Variants in NOS2 observed in about 807,000 individuals in gnomAD.
NOS2 encodes nitric oxide synthase 2.
Under a neutral mutation model 136.0 loss-of-function variants are expected in NOS2, and 96 were observed. The ratio of observed to expected loss-of-function variants is 0.71; its 90% confidence interval spans 0.60 to 0.84. The LOEUF is 0.84. Ranked by LOEUF, NOS2 falls within the 40% of genes least tolerant of loss-of-function variation. NOS2 has a pLI of 0.00. For synonymous variants in NOS2, 539 were observed against 587.5 expected, an observed-to-expected ratio of 0.92 and a Z score of 1.20; for missense variants, 1,237 against 1,496.9, an observed-to-expected ratio of 0.83 and a Z score of 2.87.
chr17:27,764,912 C>T (rs1908247602), intron 20 of NOS2, among the ~76,000 whole-genome samples: 1 of 152,214 alleles, frequency 6.6e-6, no homozygotes, highest in African/African-American at 2.4e-5. Context: ...TTGTCGTCCC[C>T]ACGTCTCAGG....
At chr17:27,767,654 G>A in intron 18 of NOS2, 51 bp downstream of exon 18, 1 of 1,597,738 alleles carries the variant, frequency 6.3e-7, no homozygotes. Flanking sequence ...ATGGGCTTAG[G>A]GCTCAGACCC....
At chr17:27,786,044 T>C (rs1472473940) in intron 5 of NOS2, among the ~76,000 whole-genome samples, 1 of 149,768 alleles carries the variant, frequency 6.7e-6, no homozygotes, top group African/African-American at 2.5e-5. Context: ...GAGTCCCAGG[T>C]ACATGTCTGT....
Position 27,759,953 on chromosome 17 carries a change from G to A in NOS2, c.3159+77C>T, listed in dbSNP as rs548877385. 31 of 1,392,270 alleles carry A rather than the reference G, an allele frequency of 2.2e-5. No individual in the cohort carries two copies. The South Asian group carries it at 3.1e-4, about 14-fold the overall frequency. The allele number at this position is 1,392,270 out of a possible 1,614,324, so 86.2% of individuals were successfully genotyped here. ...TCAGGAGGTGAAGGCTCGGGGAGGC[G>A]AGGGGCCTGTGGGGACCCAGGGCTC... On this transcript the variant is annotated intron_variant, in intron 25 of 26. Coordinates refer to ENST00000313735, the MANE Select transcript of NOS2 (RefSeq NM_000625.4).
intron 19 of NOS2, 95 bp downstream of exon 19, chr17:27,766,415 C>T: frequency 2.6e-6 from 3 of 1,142,678 alleles, no homozygotes; most frequent in Non-Finnish European, 4.0e-6. Context: ...ATATGCTCTT[C>T]TCCTCTCCCT....
In NOS2 at chr17:27,769,563, T is replaced by C. The variant is rs1908421369; in HGVS notation, c.1831A>G (p.Met611Val). 1.2e-6 allele frequency: 2 copies of C among 1,613,504 alleles called. No homozygotes were observed. The highest frequency in any genetic ancestry group is 1.7e-6 in the Non-Finnish European group (2 of 1,179,514). Residue 611 changes from methionine to valine, a missense_variant, in exon 16 of 27, where the codon ATG becomes GTG. By Grantham distance (21) the Met-to-Val change is conservative. Coordinates refer to ENST00000313735, the MANE Select transcript of NOS2 (RefSeq NM_000625.4). ...AATTTGTTGTTGAGCTCTTTCAGCA[T>C]GAAGAGCGATTTCTTCAGTTTCTAG... ...NGEKLKKSLF[M>V]LKELNNKFRY...
intron 12 of NOS2, 34 bp from the exon 13 acceptor site, chr17:27,773,277 G>A (rs764606931): frequency 2.1e-5 from 32 of 1,543,150 alleles, no homozygotes; most frequent in Non-Finnish European, 2.4e-5. Flanking sequence ...AGGGCAGGGC[G>A]GGGTCCTGGC....
At chr17:27,782,170 C>G in intron 6 of NOS2, 64 bp from the exon 7 acceptor site, 1 of 1,434,584 alleles carries the variant, frequency 7.0e-7, no homozygotes, top group Non-Finnish European at 9.7e-7. Flanking sequence ...TGAGGCTGAT[C>G]AGAAGTCACT....
rs551825351 is a variant in NOS2 at position 27,785,013 on chromosome 17, A to T, written c.468-1907T>A. Reference sequence around the variant, plus strand: ...GAACACCCGCCCAATTGCCTTCCACACAACAGCAAGGCCTCCCACGTCCAG... The same window carrying T: ...GAACACCCGCCCAATTGCCTTCCACTCAACAGCAAGGCCTCCCACGTCCAG... On this transcript the variant is annotated intron_variant, in intron 5 of 26. Coordinates refer to ENST00000313735, the MANE Select transcript of NOS2 (RefSeq NM_000625.4). Among the ~76,000 whole-genome samples the T allele has an allele frequency of 4.9e-4, 74 of 152,288 alleles. No homozygotes were observed. In the South Asian group the frequency reaches 0.013, roughly 27 times the overall value.
At chr17:27,778,039 A>G (rs1376098415) in intron 11 of NOS2, among the ~76,000 whole-genome samples, 3 of 152,028 alleles carry the variant, frequency 2.0e-5, no homozygotes, top group African/African-American at 7.2e-5. Flanking sequence ...TGTCTCAAAA[A>G]AAAAAAAAGG....
intron 26 of NOS2, 34 bp from the exon 27 acceptor site, chr17:27,757,387 T>C (rs1327661568): frequency 5.6e-6 from 9 of 1,601,724 alleles, no homozygotes; most frequent in Non-Finnish European, 7.7e-6. Flanking sequence ...ACGTGTCAAG[T>C]CCAGGCTGGG....
intron 2 of NOS2, among the ~76,000 whole-genome samples, chr17:27,798,386 G>A (rs1909422498): frequency 7.0e-6 from 1 of 143,442 alleles, no homozygotes; most frequent in South Asian, 2.2e-4. Context: ...CCTCCGCCAT[G>A]GTGCCCACCA....
At chr17:27,769,228 G>A in intron 16 of NOS2, 77 bp from the exon 17 acceptor site, 2 of 1,409,736 alleles carry the variant, frequency 1.4e-6, no homozygotes, top group South Asian at 1.3e-5. Context: ...CCAACAGCCT[G>A]GAGAGCCAGC....
intron 2 of NOS2, among the ~76,000 whole-genome samples, chr17:27,789,993 G>A (rs1214549982): frequency 2.6e-5 from 4 of 152,222 alleles, no homozygotes; most frequent in African/African-American, 4.8e-5. Flanking sequence ...AAGTACAAAC[G>A]TGGCACAGGG....
At chr17:27,793,605 G>C (rs1257483005) in intron 2 of NOS2, 11 of 397,490 alleles carry the variant, frequency 2.8e-5, no homozygotes, top group Non-Finnish European at 2.7e-5. Context: ...TGCGCGGGCA[G>C]CAGTCAGGCT....
At chr17:27,771,358 T>C (rs895186821) in intron 14 of NOS2, among the ~76,000 whole-genome samples, 2 of 152,160 alleles carry the variant, frequency 1.3e-5, no homozygotes, top group African/African-American at 4.8e-5. Context: ...TCCACAAAAT[T>C]GGAATGAGCA....
intron 3 of NOS2, 114 bp downstream of exon 3, chr17:27,789,490 T>C: frequency 1.2e-6 from 1 of 804,694 alleles, no homozygotes; most frequent in Non-Finnish European, 2.1e-6. Context: ...CTCTCCACTC[T>C]CCATCCAAAC....
At chr17:27,761,047 G>T (rs921528758) in intron 23 of NOS2, 97 bp downstream of exon 23, 6 of 1,165,370 alleles carry the variant, frequency 5.1e-6, no homozygotes, top group African/African-American at 4.7e-5. Context: ...GGGCCAAGGG[G>T]CTCCGAGCGT....
At position 27,760,670 on chromosome 17, in the gene NOS2, G is replaced by T; in HGVS notation, c.2963C>A (p.Pro988His). 3.9e-6 allele frequency: 6 copies of T among 1,552,754 alleles called. No homozygotes were observed. Among genetic ancestry groups the T allele is most frequent in the Non-Finnish European group, 5.2e-6 (6 of 1,147,746 alleles). ...CCGTTGCTGCCAGAAACTGCGGAAG[G>T]GCGCGATGCCTGTGCCAGGCCCGAT... Reference protein sequence around the residue: ...ILIGPGTGIAPFRSFWQQRLH... With the variant: ...ILIGPGTGIAHFRSFWQQRLH... The change falls in exon 24 of 27, where the codon CCC (proline) becomes CAC (histidine). Residue 988 changes from proline (P) to histidine (H), a missense_variant. Physicochemically the swap from Pro to His is moderately conservative, Grantham distance 77 (BLOSUM62 -2). Coordinates refer to ENST00000313735, the MANE Select transcript of NOS2 (RefSeq NM_000625.4).
At chr17:27,767,683 T>G (rs758606409) in intron 18 of NOS2, 22 bp downstream of exon 18, 1 of 1,612,264 alleles carries the variant, frequency 6.2e-7, no homozygotes, top group Admixed American at 1.7e-5. Flanking sequence ...ACAAGCCCCA[T>G]GTGCTGCAGA....
Sources: allele counts gnomAD v4.1 joint callset (sites outside exome capture counted in the v4.1 genomes callset), GRCh38; gene constraint gnomAD v4.1.1; transcripts MANE v1.5; gene names NCBI Gene and HGNC (gene_info 2026-07-23, HGNC 2026-07-21).